The following FBXL17 variants were observed in gnomAD, a reference collection of about 807,000 sequenced individuals.
FBXL17 encodes F-box and leucine rich repeat protein 17.
A neutral mutation model predicts 66.2 loss-of-function variants in FBXL17; 22 were observed. The ratio of observed to expected loss-of-function variants is 0.33; its 90% CI spans 0.24 to 0.47. The LOEUF (loss-of-function observed/expected upper bound fraction) is 0.47, where lower values mean the gene tolerates loss of function less well. Ranked by LOEUF, FBXL17 falls within the 20% of genes least tolerant of loss-of-function variation. The probability of loss-of-function intolerance (pLI) is 1.00; values close to 1 mark genes in which losing one functional copy is unlikely to be tolerated. For missense variants in FBXL17, 878 were observed against 948.2 expected, an observed-to-expected ratio of 0.93 and a Z score of 0.97; for synonymous variants, 474 against 400.5, an observed-to-expected ratio of 1.18 and a Z score of -2.19.
intron 4 of FBXL17, among the ~76,000 whole-genome samples, chr5:108,264,660 A>C (rs1245655293): frequency 6.6e-6 from 1 of 152,124 alleles, no homozygotes; most frequent in Non-Finnish European, 1.5e-5. Flanking sequence ...TTCATCTAGA[A>C]ACCTTTCTAA....
In FBXL17 at chr5:108,321,714, A is replaced by T. The variant is rs536201951; in HGVS notation, c.1506+26685T>A. 2.3e-4 allele frequency among the ~76,000 whole-genome samples: 35 copies of T among 151,334 alleles called. No homozygotes were observed. In the East Asian group the frequency reaches 3.7e-3, roughly 16 times the overall value. On this transcript the variant is annotated intron_variant, in intron 4 of 8. Coordinates refer to ENST00000542267, the MANE Select transcript of FBXL17 (RefSeq NM_001163315.3). ...AAAGTGGTAAATGTAAATAAATTTA[A>T]AAAAAAAAACAAGAAAAAACTTCTG...
intron 5 of FBXL17, among the ~76,000 whole-genome samples, chr5:108,222,500 C>T (rs1331717896): frequency 6.6e-6 from 1 of 152,102 alleles, no homozygotes; most frequent in African/African-American, 2.4e-5. Flanking sequence ...ACAGGCCTAT[C>T]CTCTCCTCTA....
intron 6 of FBXL17, among the ~76,000 whole-genome samples, chr5:108,107,196 C>T (rs1234549419): frequency 1.3e-5 from 2 of 151,982 alleles, no homozygotes; most frequent in African/African-American, 2.4e-5. Flanking sequence ...CTCAGCCTCC[C>T]GAGTAGCTGG....
At chr5:108,326,160 C>G (rs187735693) in intron 4 of FBXL17, among the ~76,000 whole-genome samples, 2 of 152,242 alleles carry the variant, frequency 1.3e-5, no homozygotes, top group South Asian at 2.1e-4. Context: ...AAACCTTGCT[C>G]TCTTCAAAAG....
chr5:108,201,918 CAT>C (rs1268210847), intron 5 of FBXL17, among the ~76,000 whole-genome samples: 3 of 150,570 alleles, frequency 2.0e-5, no homozygotes, highest in Non-Finnish European at 4.4e-5. Flanking sequence ...AGACTGACCT[CAT>C]GTGTTAGAGA....
At chr5:108,114,106 G>A (rs1264085124) in intron 6 of FBXL17, among the ~76,000 whole-genome samples, 1 of 152,116 alleles carries the variant, frequency 6.6e-6, no homozygotes, top group East Asian at 1.9e-4. Context: ...TGCTGTATAT[G>A]AAGGTCATGA....
intron 7 of FBXL17, among the ~76,000 whole-genome samples, chr5:107,978,188 G>C (rs1220768676): frequency 6.6e-6 from 1 of 152,106 alleles, no homozygotes; most frequent in Non-Finnish European, 1.5e-5. Context: ...AATCTAACAT[G>C]GCTGACTCCA....
chr5:108,364,628 T>C, intron 3 of FBXL17, 110 bp downstream of exon 3: 1 of 817,306 alleles, frequency 1.2e-6, no homozygotes, highest in Non-Finnish European at 1.9e-6. Flanking sequence ...AAAAAGATGA[T>C]TCACTTGAGT....
At chr5:108,188,189 TG>T (rs780103216) in intron 5 of FBXL17, among the ~76,000 whole-genome samples, 67 of 152,188 alleles carry the variant, frequency 4.4e-4, no homozygotes, top group Non-Finnish European at 8.4e-4. Flanking sequence ...CAGCTCCCAA[TG>T]GGAGAAGCTA....
chr5:108,276,013 C>T (rs1441691183), intron 4 of FBXL17, among the ~76,000 whole-genome samples: 2 of 152,074 alleles, frequency 1.3e-5, no homozygotes, highest in African/African-American at 4.8e-5. Flanking sequence ...ATTTTTAACA[C>T]TGCATTAAAA....
intron 1 of FBXL17, among the ~76,000 whole-genome samples, chr5:108,368,415 A>G (rs1748812853): frequency 6.6e-6 from 1 of 152,110 alleles, no homozygotes; most frequent in Non-Finnish European, 1.5e-5. Context: ...AAGAAAAACA[A>G]AAGTAAATCA....
At chr5:108,307,116 G>A (rs1758879526) in intron 4 of FBXL17, among the ~76,000 whole-genome samples, 1 of 151,944 alleles carries the variant, frequency 6.6e-6, no homozygotes, top group Admixed American at 6.6e-5. Flanking sequence ...CGCAGGACCT[G>A]TTACTGGTAT....
chr5:108,210,473 C>A (rs1286368239), intron 5 of FBXL17, among the ~76,000 whole-genome samples: 2 of 152,214 alleles, frequency 1.3e-5, no homozygotes, highest in Non-Finnish European at 2.9e-5. Flanking sequence ...CCTCTACACA[C>A]TGCTTTAAAT....
At position 107,860,011 on chromosome 5, in the gene FBXL17, T is replaced by G. The variant is rs1748078085; in HGVS notation, c.*1709A>C. ...CCTTCAAATTAAATTAGAAACCCAT[T>G]TAGTTATGGGAAGAATACTCATGGC... On this transcript the variant is annotated 3_prime_UTR_variant, in exon 9 of 9. Coordinates refer to ENST00000542267, the MANE Select transcript of FBXL17 (RefSeq NM_001163315.3). 6.6e-6 allele frequency: 1 copy of G among 152,158 alleles called. No homozygotes were observed. Among genetic ancestry groups the G allele is most frequent in the Admixed American group, 6.5e-5 (1 of 15,276 alleles). The allele number at this position is 152,158 out of a possible 1,614,324, so 9.4% of individuals were successfully genotyped here.
chr5:108,197,712 G>A (rs1489123215), intron 5 of FBXL17, among the ~76,000 whole-genome samples: 2 of 152,098 alleles, frequency 1.3e-5, no homozygotes, highest in Non-Finnish European at 2.9e-5. Context: ...AGGAATGATA[G>A]TAATGATTTT....
chr5:108,057,581 T>C (rs1747757824), intron 6 of FBXL17, among the ~76,000 whole-genome samples: 1 of 152,204 alleles, frequency 6.6e-6, no homozygotes, highest in African/African-American at 2.4e-5. Flanking sequence ...ACAAATTAAA[T>C]GCACAATCTT....
intron 6 of FBXL17, among the ~76,000 whole-genome samples, chr5:108,161,050 G>A (rs998355210): frequency 6.6e-5 from 10 of 152,152 alleles, no homozygotes; most frequent in Admixed American, 3.3e-4. Context: ...AGGAGAGGTA[G>A]GGGAAGAGAA....
chr5:108,177,017 T>C (rs961129794), intron 6 of FBXL17, among the ~76,000 whole-genome samples: 4 of 152,176 alleles, frequency 2.6e-5, no homozygotes, highest in Non-Finnish European at 2.9e-5. Flanking sequence ...CTTTCTTCTT[T>C]TTAATTGAAA....
chr5:108,381,789 C>G lies in FBXL17; in HGVS notation c.-98G>C, dbSNP rs1311449841. The G allele has an allele frequency of 1.5e-5, 21 of 1,355,248 alleles. No individual in the cohort carries two copies. Among genetic ancestry groups the G allele is most frequent in the Non-Finnish European group, 1.9e-5 (20 of 1,058,486 alleles). The allele number at this position is 1,355,248 out of a possible 1,614,324, so 84.0% of individuals were successfully genotyped here. A position where few individuals can be genotyped will look rare whatever the true frequency, so the allele number is the denominator to read the frequency against. On this transcript the variant is annotated 5_prime_UTR_variant, in exon 1 of 9. Transcript: ENST00000542267. Reference sequence around the variant, plus strand: ...GCAGGCCGCTCGCTGGCTCGGCCCCCGGAGGGGTCGCCCTTCCTGCGCACA... The same window carrying G: ...GCAGGCCGCTCGCTGGCTCGGCCCCGGGAGGGGTCGCCCTTCCTGCGCACA...
Sources: gnomAD v4.1 joint callset for allele counts (sites outside exome capture counted in the v4.1 genomes callset) on GRCh38, gnomAD v4.1.1 for gene constraint, MANE v1.5 for transcripts, NCBI Gene and HGNC (gene_info 2026-07-23, HGNC 2026-07-21) for gene names.